Variants in DOK6 observed in about 807,000 individuals in gnomAD.
DOK6 encodes downstream of tyrosine kinase 6.
Under a neutral mutation model 44.0 loss-of-function variants are expected in DOK6, and 22 were observed. The ratio of observed to expected loss-of-function variants is 0.50; its 90% CI spans 0.36 to 0.71. The LOEUF is 0.71. DOK6 is among the 30% of genes least tolerant of loss of function. DOK6 has a pLI of 0.00. For synonymous variants in DOK6, 166 were observed against 145.5 expected, an observed-to-expected ratio of 1.14 and a Z score of -1.01; for missense variants, 340 against 416.4, an observed-to-expected ratio of 0.82 and a Z score of 1.60.
At chr18:69,805,799 C>T (rs1981036466) in intron 7 of DOK6, among the ~76,000 whole-genome samples, 4 of 152,046 alleles carry the variant, frequency 2.6e-5, no homozygotes, top group Admixed American at 2.6e-4. Flanking sequence ...AGTTTATAAG[C>T]TTAACTGAAA....
chr18:69,711,032 C>G (rs1412462925), intron 5 of DOK6, among the ~76,000 whole-genome samples: 1 of 152,190 alleles, frequency 6.6e-6, no homozygotes, highest in African/African-American at 2.4e-5. Flanking sequence ...GCTAGGTCTA[C>G]AGTTCCAGAG....
chr18:69,807,807 A>G (rs1339937411), intron 7 of DOK6, among the ~76,000 whole-genome samples: 1 of 151,870 alleles, frequency 6.6e-6, no homozygotes, highest in African/African-American at 2.4e-5. Flanking sequence ...ATATTAATAA[A>G]TTATTGAAGG....
chr18:69,603,791 AAAAAAG>A (rs1380212277), intron 3 of DOK6, among the ~76,000 whole-genome samples: 2 of 151,556 alleles, frequency 1.3e-5, no homozygotes, highest in African/African-American at 2.4e-5. Flanking sequence ...AAAAAAAAAA[AAAAAAG>A]GACATCTGTG....
At chr18:69,487,016 T>C (rs8090730) in intron 1 of DOK6, among the ~76,000 whole-genome samples, 20,680 of 151,964 alleles carry the variant, frequency 0.14, 2,798 homozygotes, top group African/African-American at 0.35. Flanking sequence ...CACTTTAGGG[T>C]TGTAAGTTTC....
At chr18:69,495,134 C>T (rs891461310) in intron 1 of DOK6, among the ~76,000 whole-genome samples, 3 of 152,248 alleles carry the variant, frequency 2.0e-5, no homozygotes, top group African/African-American at 7.2e-5. Flanking sequence ...AGGTTCACCA[C>T]AGGCAGCTTC....
At chr18:69,769,206 C>A (rs1979815439) in intron 7 of DOK6, among the ~76,000 whole-genome samples, 1 of 151,970 alleles carries the variant, frequency 6.6e-6, no homozygotes, top group East Asian at 1.9e-4. Flanking sequence ...TTATCAATGT[C>A]TTTTACATAT....
intron 1 of DOK6, among the ~76,000 whole-genome samples, chr18:69,517,361 G>T (rs903501041): frequency 6.6e-6 from 1 of 152,098 alleles, no homozygotes; most frequent in Admixed American, 6.5e-5. Context: ...TAATTTTTTA[G>T]ATTTTATTCA....
At position 69,544,434 on chromosome 18, in the gene DOK6, G is replaced by A. The variant is rs975382087; in HGVS notation, c.67-20053G>A. Among the ~76,000 whole-genome samples, 7 of 151,718 alleles carry A rather than the reference G, an allele frequency of 4.6e-5. No homozygotes were observed. In the South Asian group the frequency reaches 1.0e-3, roughly 23 times the overall value. On this transcript the variant is annotated intron_variant, in intron 1 of 7. Transcript: ENST00000382713. Reference sequence around the variant, plus strand: ...TAGGAAAACGAAGTTAAAAAGAGGAGTGAATGAAGAAAATAATGGGAAAGC... The same window carrying A: ...TAGGAAAACGAAGTTAAAAAGAGGAATGAATGAAGAAAATAATGGGAAAGC...
chr18:69,469,091 T>C (rs1425674265), intron 1 of DOK6, among the ~76,000 whole-genome samples: 2 of 152,190 alleles, frequency 1.3e-5, no homozygotes, highest in Non-Finnish European at 2.9e-5. Context: ...AGAAAGTGAA[T>C]GACTTTGATA....
chr18:69,612,458 C>CACAT, intron 3 of DOK6, among the ~76,000 whole-genome samples: 1 of 62,700 alleles, frequency 1.6e-5, no homozygotes, highest in Middle Eastern at 9.4e-3. Context: ...TGTGTGCGAG[C>CACAT]GTGCATATGT....
At chr18:69,617,476 C>A (rs1984316710) in intron 3 of DOK6, among the ~76,000 whole-genome samples, 15 of 97,150 alleles carry the variant, frequency 1.5e-4, no homozygotes, top group East Asian at 2.8e-4. Context: ...AAAAAGACAG[C>A]AATAGGAGAA....
intron 2 of DOK6, among the ~76,000 whole-genome samples, chr18:69,572,997 T>G (rs1016957457): frequency 1.3e-5 from 2 of 151,016 alleles, no homozygotes; most frequent in Non-Finnish European, 3.0e-5. Context: ...ATATGACATA[T>G]ATGTTACCTA....
intron 5 of DOK6, among the ~76,000 whole-genome samples, chr18:69,720,958 C>G (rs1033744698): frequency 6.6e-6 from 1 of 152,104 alleles, no homozygotes; most frequent in African/African-American, 2.4e-5. Flanking sequence ...GCCTTATATA[C>G]AGCCCACCCA....
At chr18:69,579,856 C>T (rs573847418) in intron 2 of DOK6, among the ~76,000 whole-genome samples, 85 of 152,208 alleles carry the variant, frequency 5.6e-4, no homozygotes, top group East Asian at 3.9e-4. Flanking sequence ...CCTCGTGGAG[C>T]GGTCGATCCG....
At chr18:69,687,129 G>A (rs568110797) in intron 4 of DOK6, among the ~76,000 whole-genome samples, 1 of 152,220 alleles carries the variant, frequency 6.6e-6, no homozygotes, top group African/African-American at 2.4e-5. Flanking sequence ...GGAAATTTCA[G>A]ACAAATATCT....
chr18:69,541,567 T>G (rs8087858), intron 1 of DOK6, among the ~76,000 whole-genome samples: 80,324 of 151,160 alleles, frequency 0.53, 22,370 homozygotes, highest in East Asian at 0.63. Context: ...GGTCCTTTAT[T>G]AATCTTAGGC....
At chr18:69,556,962 A>G (rs929347747) in intron 1 of DOK6, among the ~76,000 whole-genome samples, 2 of 152,230 alleles carry the variant, frequency 1.3e-5, no homozygotes, top group Non-Finnish European at 2.9e-5. Context: ...GAAATTACTC[A>G]TAGCATAAAC....
intron 1 of DOK6, among the ~76,000 whole-genome samples, chr18:69,507,147 C>T (rs1981214308): frequency 6.6e-6 from 1 of 152,022 alleles, no homozygotes; most frequent in Non-Finnish European, 1.5e-5. Context: ...CCTGCCTCAG[C>T]CTCTCAAGTA....
Position 69,841,616 on chromosome 18 carries a change from A to C in DOK6, c.*233A>C. ...TCTATGTTTTACATAAATAGAATCC[A>C]AATCGTATGAACAGTTATTTAAATA... On this transcript the variant is annotated 3_prime_UTR_variant, in exon 8 of 8. Transcript: ENST00000382713. 1.9e-6 allele frequency: 1 copy of C among 514,042 alleles called. No individual in the cohort carries two copies. Among genetic ancestry groups the C allele is most frequent in the Non-Finnish European group, 3.3e-6 (1 of 302,838 alleles). 31.8% of individuals were successfully genotyped at this position (514,042 alleles called of 1,614,324 possible). A position where few individuals can be genotyped will look rare whatever the true frequency, so the allele number is the denominator to read the frequency against.
Sources: allele counts gnomAD v4.1 joint callset (sites outside exome capture counted in the v4.1 genomes callset), GRCh38; gene constraint gnomAD v4.1.1; transcripts MANE v1.5; gene names NCBI Gene and HGNC (gene_info 2026-07-23, HGNC 2026-07-21).